The following KIAA0319L variants were observed in gnomAD, a reference collection of about 807,000 sequenced individuals.
KIAA0319L encodes the protein KIAA0319 like.
A neutral mutation model predicts 120.1 loss-of-function variants in KIAA0319L; 55 were observed. The ratio of observed to expected loss-of-function variants is 0.46; its 90% CI spans 0.37 to 0.57. The LOEUF (loss-of-function observed/expected upper bound fraction) is 0.57, where lower values mean the gene tolerates loss of function less well. Ranked by LOEUF, KIAA0319L falls within the 20% of genes least tolerant of loss-of-function variation. The pLI, the probability that KIAA0319L is intolerant of heterozygous loss-of-function variation, is 0.00. For synonymous variants in KIAA0319L, 398 were observed against 471.9 expected (o/e 0.84, Z 2.03); for missense variants, 1,049 against 1,255.3 (o/e 0.84, Z 2.48).
intron 3 of KIAA0319L, among the ~76,000 whole-genome samples, chr1:35,499,605 A>G (rs954694976): frequency 6.6e-6 from 1 of 152,186 alleles, no homozygotes; most frequent in African/African-American, 2.4e-5. Flanking sequence ...AAAGGAGCCA[A>G]TAAACGCAAT....
At chr1:35,533,690 C>T (rs1234765334) in intron 2 of KIAA0319L, among the ~76,000 whole-genome samples, 1 of 152,196 alleles carries the variant, frequency 6.6e-6, no homozygotes, top group Admixed American at 6.5e-5. Flanking sequence ...CTTCCTACAG[C>T]TATCATCAAA....
intron 2 of KIAA0319L, among the ~76,000 whole-genome samples, chr1:35,514,263 AAATGTCTAT>A (rs1475837281): frequency 2.0e-5 from 3 of 152,318 alleles, no homozygotes; most frequent in Admixed American, 1.3e-4. Context: ...CTGACAACCA[AAATGTCTAT>A]AAATGGGCAA....
chr1:35,470,153 G>T (rs552653205), intron 6 of KIAA0319L, among the ~76,000 whole-genome samples: 1 of 151,934 alleles, frequency 6.6e-6, no homozygotes, highest in Non-Finnish European at 1.5e-5. Context: ...GATTACAGGC[G>T]GGAGCCACTG....
intron 3 of KIAA0319L, among the ~76,000 whole-genome samples, chr1:35,492,677 T>C (rs974543171): frequency 1.3e-5 from 2 of 152,074 alleles, no homozygotes; most frequent in African/African-American, 2.4e-5. Context: ...AGAAAAAGCA[T>C]TTGACAAAAT....
At chr1:35,508,271 TATAAC>T (rs1032909934) in intron 2 of KIAA0319L, among the ~76,000 whole-genome samples, 48 of 152,332 alleles carry the variant, frequency 3.2e-4, no homozygotes, top group African/African-American at 1.1e-3. Context: ...GCCCTGGGCT[TATAAC>T]ATAAAATATA....
intron 18 of KIAA0319L, 22 bp from the exon 19 acceptor site, chr1:35,442,358 T>A: frequency 6.3e-7 from 1 of 1,584,334 alleles, no homozygotes; most frequent in Non-Finnish European, 8.7e-7. Context: ...ATCAAAATGG[T>A]GAGGGCTGTG....
In KIAA0319L at chr1:35,454,452, T is replaced by C. The variant is rs1237339231; in HGVS notation, c.1690A>G (p.Met564Val). 5 of 1,613,962 alleles carry C rather than the reference T, an allele frequency of 3.1e-6. No individual in the cohort carries two copies. The highest frequency in any genetic ancestry group is 2.2e-5 in the East Asian group (1 of 44,902). ...VRTPTLQLSA[M>V]QEGDYTYQLT... ...TGGTAAGTGTAGTCTCCTTCTTGCA[T>C]CGCAGAGAGCTGTAAGGTTGGTGTT... Residue 564 changes from methionine to valine, a missense_variant, in exon 11 of 21, where the codon ATG (methionine) becomes GTG (valine). Coordinates refer to ENST00000325722, the MANE Select transcript of KIAA0319L (RefSeq NM_024874.5).
chr1:35,461,277 A>G (rs1642870584), intron 8 of KIAA0319L, among the ~76,000 whole-genome samples: 1 of 151,996 alleles, frequency 6.6e-6, no homozygotes, highest in Non-Finnish European at 1.5e-5. Context: ...GACCAGCCTG[A>G]CCAACATGGA....
chr1:35,466,113 G>A (rs1348051844), intron 7 of KIAA0319L, among the ~76,000 whole-genome samples: 1 of 152,134 alleles, frequency 6.6e-6, no homozygotes, highest in Admixed American at 6.5e-5. Flanking sequence ...CTACTGCACT[G>A]TGATCTACCT....
chr1:35,434,947 G>C lies in KIAA0319L; in HGVS notation c.3097C>G (p.Pro1033Ala). 6.2e-7 allele frequency: 1 copy of C among 1,613,982 alleles called. No individual in the cohort carries two copies. The highest frequency in any genetic ancestry group is 8.5e-7 in the Non-Finnish European group (1 of 1,180,042). ...GCCTTCAGAGGGGTCTGCCCGTTGG[G>C]TACAGAGCCATTCTGACCATGCAGG... is the stretch of plus-strand genomic sequence containing the variant. Reference protein sequence around the residue: ...KLLHGQNGSVPNGQTPLKARS... With the variant: ...KLLHGQNGSVANGQTPLKARS... Residue 1033 changes from proline to alanine, a missense_variant, in exon 21 of 21, where the codon CCC becomes GCC. Pro to Ala is a conservative substitution (Grantham distance 27, BLOSUM62 -1). Transcript: ENST00000325722.
intron 3 of KIAA0319L, among the ~76,000 whole-genome samples, chr1:35,489,856 A>G (rs1644527673): frequency 6.6e-6 from 1 of 151,754 alleles, no homozygotes; most frequent in African/African-American, 2.4e-5. Flanking sequence ...GAGTAGAGAA[A>G]GGGTTTCACC....
At chr1:35,445,855 T>C (rs1295581997) in intron 16 of KIAA0319L, among the ~76,000 whole-genome samples, 2 of 152,278 alleles carry the variant, frequency 1.3e-5, no homozygotes, top group Non-Finnish European at 2.9e-5. Flanking sequence ...CAGAAGCTTC[T>C]CTCTTGCTCA....
intron 3 of KIAA0319L, among the ~76,000 whole-genome samples, chr1:35,502,289 A>AG (rs1235407900): frequency 2.6e-5 from 4 of 151,696 alleles, no homozygotes. Flanking sequence ...AAAAAAAAAA[A>AG]GAAAAAAAAA....
At chr1:35,462,344 C>A (rs1056506778) in intron 8 of KIAA0319L, among the ~76,000 whole-genome samples, 1 of 152,182 alleles carries the variant, frequency 6.6e-6, no homozygotes, top group African/African-American at 2.4e-5. Flanking sequence ...TGAGTTTCAA[C>A]TAAAATCATG....
intron 2 of KIAA0319L, among the ~76,000 whole-genome samples, chr1:35,518,069 C>A (rs1197191455): frequency 1.3e-5 from 2 of 152,188 alleles, no homozygotes; most frequent in African/African-American, 2.4e-5. Context: ...CAAAAAATAA[C>A]AGATGCTGGC....
At position 35,479,203 on chromosome 1, in the gene KIAA0319L, C is replaced by A. The variant is rs1173373218; in HGVS notation, c.676G>T (p.Ala226Ser). The A allele has an allele frequency of 6.2e-7, 1 of 1,612,206 alleles. No homozygotes were observed. The highest frequency in any genetic ancestry group is 1.3e-5 in the African/African-American group (1 of 74,840). Residue 226 changes from alanine (A) to serine (S), a missense_variant, in exon 4 of 21, where the codon GCG becomes TCG. Physicochemically the swap from Ala to Ser is moderately conservative, Grantham distance 99. Coordinates refer to ENST00000325722, the MANE Select transcript of KIAA0319L (RefSeq NM_024874.5). The stretch of plus-strand genomic sequence containing the variant: ...GTTAGGGGACTGGAAATTGTAATCG[C>A]CTTGTGGACCTAAAGAAATAAAAAA... The part of the protein sequence containing the change: ...TTSGSAEVHK[A>S]ITISSPLTTD...
At chr1:35,529,066 T>C (rs1431201464) in intron 2 of KIAA0319L, among the ~76,000 whole-genome samples, 1 of 152,138 alleles carries the variant, frequency 6.6e-6, no homozygotes, top group Non-Finnish European at 1.5e-5. Flanking sequence ...GACAGTCTGT[T>C]ATTGTTGTTG....
chr1:35,443,053 A>C, intron 17 of KIAA0319L, 25 bp from the exon 18 acceptor site: 1 of 1,614,006 alleles, frequency 6.2e-7, no homozygotes, highest in Non-Finnish European at 8.5e-7. Flanking sequence ...AAAGGGAAGA[A>C]AGTCAACAAG....
chr1:35,477,816 G>C lies in KIAA0319L; in HGVS notation c.913+1150C>G, dbSNP rs561129515. Among the ~76,000 whole-genome samples, 268 of 152,254 alleles carry C rather than the reference G, an allele frequency of 1.8e-3. 1 individual carries two copies. The highest frequency in any genetic ancestry group is 6.1e-3 in the African/African-American group (253 of 41,556). On this transcript the variant is annotated intron_variant, in intron 4 of 20. Transcript: ENST00000325722. ...ACACTATTGGTGGGAATGTAAATTA[G>C]TACAACCACTATGGAGAACAGTTTG...
Sources: gnomAD v4.1 joint callset for allele counts (sites outside exome capture counted in the v4.1 genomes callset) on GRCh38, gnomAD v4.1.1 for gene constraint, MANE v1.5 for transcripts, NCBI Gene and HGNC (gene_info 2026-07-23, HGNC 2026-07-21) for gene names.